Variants in BIRC6 observed in about 807,000 individuals in gnomAD.
The protein encoded by BIRC6 is baculoviral IAP repeat containing 6, also known as dual E2 ubiquitin-conjugating enzyme/E3 ubiquitin-protein ligase BIRC6.
BIRC6 carries 98 observed loss-of-function variants against 503.3 expected under a neutral mutation model. That is an observed-to-expected ratio of 0.19 (90% CI 0.17 to 0.23). The LOEUF (loss-of-function observed/expected upper bound fraction) is 0.23. Ranked by LOEUF, BIRC6 falls within the 10% of genes least tolerant of loss-of-function variation. The pLI is 1.00. For missense variants in BIRC6, 5,360 were observed against 5,806.0 expected, an observed-to-expected ratio of 0.92 and a Z score of 2.50; for synonymous variants, 2,240 against 2,078.7, an observed-to-expected ratio of 1.08 and a Z score of -2.11.
intron 4 of BIRC6, among the ~76,000 whole-genome samples, chr2:32,390,279 T>C (rs1267767466): frequency 6.6e-6 from 1 of 152,246 alleles, no homozygotes; most frequent in Non-Finnish European, 1.5e-5. Context: ...CATGCCATTC[T>C]CCTGCCTCAG....
intron 71 of BIRC6, among the ~76,000 whole-genome samples, chr2:32,606,124 G>T (rs555801931): frequency 1.3e-4 from 20 of 152,254 alleles, no homozygotes; most frequent in African/African-American, 4.6e-4. Flanking sequence ...AATATCTGAT[G>T]TTTTCCTGCC....
In BIRC6 at chr2:32,431,447, C is replaced by T. The variant is rs146684925; in HGVS notation, c.3248+357C>T. Among the ~76,000 whole-genome samples the T allele has an allele frequency of 7.3e-3, 1,110 of 152,112 alleles. 7 individuals are homozygous for T. The highest frequency in any genetic ancestry group is 0.014 in the Middle Eastern group (4 of 294). ...CTGATCTCAGGTGATCCACCTACCT[C>T]GGCCTCCCGAAGTGCTGGGATTATG... On this transcript the variant is annotated intron_variant, in intron 12 of 73. Transcript: ENST00000421745.
At chr2:32,516,798 A>AT (rs2055096754) in intron 55 of BIRC6, among the ~76,000 whole-genome samples, 1 of 152,122 alleles carries the variant, frequency 6.6e-6, no homozygotes, top group Non-Finnish European at 1.5e-5. Context: ...GACCTTGGGC[A>AT]TATTGGTTAA....
At chr2:32,506,972 A>C (rs1246422439) in intron 50 of BIRC6, among the ~76,000 whole-genome samples, 2 of 152,198 alleles carry the variant, frequency 1.3e-5, no homozygotes, top group African/African-American at 4.8e-5. Flanking sequence ...TTTACCACTG[A>C]AATTAAAAAT....
chr2:32,513,247 A>G (rs1192387867), intron 54 of BIRC6, 93 bp downstream of exon 54: 5 of 858,884 alleles, frequency 5.8e-6, no homozygotes, highest in Non-Finnish European at 9.1e-6. Context: ...GTTTATTAGG[A>G]GAAACATAAT....
chr2:32,500,463 G>A (rs1439231164), intron 46 of BIRC6, among the ~76,000 whole-genome samples: 4 of 147,516 alleles, frequency 2.7e-5, no homozygotes, highest in East Asian at 2.0e-4. Flanking sequence ...TTGCTCCCAC[G>A]CTGGAGTACA....
At position 32,604,115 on chromosome 2, in the gene BIRC6, A is replaced by C. The variant is rs72858122; in HGVS notation, c.14070+1032A>C. Among the ~76,000 whole-genome samples the C allele has an allele frequency of 5.2e-3, 792 of 152,204 alleles. 5 individuals carry two copies. Among genetic ancestry groups the C allele is most frequent in the African/African-American group, 0.018 (746 of 41,532 alleles). Reference sequence around the variant, plus strand: ...TTTAGTGTAGAATTGATTTTGTTCTATATTATAAAGTTATGTAATTCTCTC... The same window carrying C: ...TTTAGTGTAGAATTGATTTTGTTCTCTATTATAAAGTTATGTAATTCTCTC... On this transcript the variant is annotated intron_variant, in intron 71 of 73. Transcript: ENST00000421745.
intron 61 of BIRC6, among the ~76,000 whole-genome samples, chr2:32,532,808 A>G (rs2056893957): frequency 6.6e-6 from 1 of 152,204 alleles, no homozygotes; most frequent in African/African-American, 2.4e-5. Flanking sequence ...CAACATTTTC[A>G]GCATTATTAT....
chr2:32,469,594 T>G lies in BIRC6; in HGVS notation c.6327T>G (p.Leu2109=), dbSNP rs746685578. 6.2e-7 allele frequency: 1 copy of G among 1,613,368 alleles called. No homozygotes were observed. Among genetic ancestry groups the G allele is most frequent in the Non-Finnish European group, 8.5e-7 (1 of 1,179,408 alleles). The change falls in exon 30 of 74, where the codon CTT becomes CTG. Residue 2109 remains leucine (L), a synonymous_variant. Transcript: ENST00000421745. ...AGGAATTGTACAATTCGGAACAGCT[T>G]CTCATCTTTCCACAGGATAGGTAGG... is the stretch of plus-strand genomic sequence containing the variant. The part of the protein sequence containing the change: ...VLQELYNSEQ[L]LIFPQDRVFM...
chr2:32,455,963 T>C (rs1243911957), intron 23 of BIRC6, among the ~76,000 whole-genome samples: 1 of 152,200 alleles, frequency 6.6e-6, no homozygotes, highest in Non-Finnish European at 1.5e-5. Flanking sequence ...GTTTACTTTT[T>C]TGAAACATGT....
chr2:32,442,220 C>T lies in BIRC6; in HGVS notation c.4100C>T (p.Pro1367Leu). ...TTAGCTGGAGTTCATTCAAATGGAC[C>T]CGGAAGGTTAATAATTAAAATTTTG... ...CWLAGVHSNG[P>L]GSSKEGNENL... is the part of the protein sequence containing the mutation. Residue 1367 changes from proline (P) to leucine (L), a missense_variant, in exon 18 of 74, where the codon CCC becomes CTC. Transcript: ENST00000421745. 2 of 1,603,790 alleles carry T rather than the reference C, an allele frequency of 1.2e-6. No individual in the cohort carries two copies. The highest frequency in any genetic ancestry group is 1.3e-5 in the African/African-American group (1 of 74,364).
In BIRC6 at chr2:32,468,419, A is replaced by G; in HGVS notation, c.5781-18A>G. On this transcript the variant is annotated intron_variant, in intron 28 of 73. Coordinates refer to ENST00000421745, the MANE Select transcript of BIRC6 (RefSeq NM_016252.4). Reference sequence around the variant, plus strand: ...GGACATTACAAGAATTATTTTGTTCAATCTTTTTTTACTTTAGGTATAACT... The same window carrying G: ...GGACATTACAAGAATTATTTTGTTCGATCTTTTTTTACTTTAGGTATAACT... The G allele has an allele frequency of 1.3e-6, 2 of 1,525,514 alleles. No individual in the cohort carries two copies. Among genetic ancestry groups the G allele is most frequent in the African/African-American group, 1.4e-5 (1 of 71,880 alleles). 94.5% of individuals were successfully genotyped at this position (1,525,514 alleles called of 1,614,324 possible). A position where few individuals can be genotyped will look rare whatever the true frequency, so the allele number is the denominator to read the frequency against.
chr2:32,404,881 C>T (rs1043126021), intron 8 of BIRC6, among the ~76,000 whole-genome samples: 3 of 151,854 alleles, frequency 2.0e-5, no homozygotes, highest in Admixed American at 2.0e-4. Flanking sequence ...AGGCTGGTCT[C>T]GAATTCCTGG....
At chr2:32,369,887 TC>T (rs1482588976) in intron 1 of BIRC6, among the ~76,000 whole-genome samples, 1 of 134,058 alleles carries the variant, frequency 7.5e-6, no homozygotes, top group African/African-American at 2.9e-5. Context: ...GACCAGGAGT[TC>T]CAGGTTAGCC....
At chr2:32,567,151 G>C (rs1325187109) in intron 65 of BIRC6, among the ~76,000 whole-genome samples, 1 of 151,650 alleles carries the variant, frequency 6.6e-6, no homozygotes, top group Non-Finnish European at 1.5e-5. Flanking sequence ...TGTATTTTTA[G>C]TAGAGACTGG....
chr2:32,467,671 A>G lies in BIRC6; in HGVS notation c.5503A>G (p.Thr1835Ala). The G allele has an allele frequency of 6.2e-7, 1 of 1,613,928 alleles. No individual in the cohort carries two copies. The highest frequency in any genetic ancestry group is 2.2e-5 in the East Asian group (1 of 44,856). ...EVDGRRLVVA[T>A]DISTHSLILH... The stretch of plus-strand genomic sequence containing the variant: ...GGATGGAAGGCGGTTGGTAGTGGCA[A>G]CTGATATAAGCACTCATTCACTAAT... The change falls in exon 27 of 74, where the codon ACT (threonine) becomes GCT (alanine). Residue 1835 changes from threonine (T) to alanine (A), a missense_variant. Coordinates refer to ENST00000421745, the MANE Select transcript of BIRC6 (RefSeq NM_016252.4).
chr2:32,386,378 T>C (rs987440132), intron 3 of BIRC6, among the ~76,000 whole-genome samples: 4 of 152,116 alleles, frequency 2.6e-5, no homozygotes, highest in East Asian at 1.9e-4. Flanking sequence ...TCAAGATTCA[T>C]TTACAACAGT....
chr2:32,458,969 C>T (rs942629630), intron 23 of BIRC6, among the ~76,000 whole-genome samples: 34 of 152,016 alleles, frequency 2.2e-4, no homozygotes, highest in African/African-American at 6.3e-4. Context: ...GGATTACAAG[C>T]GTGAGCCACC....
intron 10 of BIRC6, among the ~76,000 whole-genome samples, chr2:32,426,971 T>G (rs2043575128): frequency 6.6e-6 from 1 of 152,242 alleles, no homozygotes. Flanking sequence ...GTCTCCATTG[T>G]TTCTCATAGT....
Sources: gnomAD v4.1 joint callset for allele counts (sites outside exome capture counted in the v4.1 genomes callset) on GRCh38, gnomAD v4.1.1 for gene constraint, MANE v1.5 for transcripts, NCBI Gene and HGNC (gene_info 2026-07-23, HGNC 2026-07-21) for gene names.